PARP4: variants seen among roughly 807,000 people sequenced by gnomAD.
The protein encoded by PARP4 is poly(ADP-ribose) polymerase family member 4, also known as protein mono-ADP-ribosyltransferase PARP4.
Under a neutral mutation model 187.7 loss-of-function variants are expected in PARP4, and 120 were observed. That is an observed-to-expected ratio of 0.64 (90% CI 0.55 to 0.74). The LOEUF is 0.74. Ranked by LOEUF, PARP4 falls within the 30% of genes least tolerant of loss-of-function variation. The pLI, the probability that PARP4 is intolerant of heterozygous loss-of-function variation, is 0.00. For missense variants in PARP4, 1,836 were observed against 2,070.5 expected (o/e 0.89, Z 2.20); for synonymous variants, 654 against 740.9 (o/e 0.88, Z 1.90).
intron 30 of PARP4, among the ~76,000 whole-genome samples, chr13:24,435,916 CAAAAAAAAAAA>C (rs56254149): frequency 2.3e-5 from 2 of 87,932 alleles, no homozygotes; most frequent in African/African-American, 4.5e-5. Flanking sequence ...TATTCTGTCT[CAAAAAAAAAAA>C]AAAAAAAAAG....
In PARP4 at chr13:24,452,359, G is replaced by A. The variant is rs776359358; in HGVS notation, c.3014+47C>T. On this transcript the variant is annotated intron_variant, in intron 24 of 33. Transcript: ENST00000381989. ...AAAGTCCCCTGCAGGGCAACAAGAC[G>A]ACCTCCCCGTGGGTCTGGACTATGT... 29 of 1,479,076 alleles carry A rather than the reference G, an allele frequency of 2.0e-5. No homozygotes were observed. In the Admixed American group the frequency reaches 3.2e-4, roughly 16 times the overall value. The allele number at this position is 1,479,076 out of a possible 1,614,324, so 91.6% of individuals were successfully genotyped here. A position where few individuals can be genotyped will look rare whatever the true frequency, so the allele number is the denominator to read the frequency against.
At chr13:24,440,552 T>C (rs1870872811) in intron 30 of PARP4, among the ~76,000 whole-genome samples, 1 of 152,140 alleles carries the variant, frequency 6.6e-6, no homozygotes, top group African/African-American at 2.4e-5. Context: ...AGCTAATATT[T>C]ATCAAATATC....
chr13:24,507,864 T>C lies in PARP4; in HGVS notation c.-1-4087A>G, dbSNP rs1267371399. ...TCTTGACACATGCTGTTATATATTA[T>C]AGTTCTTATCTCTGGGACCCCCAGC... On this transcript the variant is annotated intron_variant, in intron 1 of 33. Coordinates refer to ENST00000381989, the MANE Select transcript of PARP4 (RefSeq NM_006437.4). Among the ~76,000 whole-genome samples the C allele has an allele frequency of 2.6e-5, 4 of 152,228 alleles. No homozygotes were observed. In the East Asian group the frequency reaches 5.8e-4, roughly 22 times the overall value.
chr13:24,470,088 G>C, intron 15 of PARP4, 63 bp from the exon 16 acceptor site: 1 of 1,445,416 alleles, frequency 6.9e-7, no homozygotes. Flanking sequence ...GCAGGAACAA[G>C]GACGAACGAA....
chr13:24,437,055 G>A (rs1369365463), intron 30 of PARP4, among the ~76,000 whole-genome samples: 1 of 151,982 alleles, frequency 6.6e-6, no homozygotes, highest in South Asian at 2.1e-4. Flanking sequence ...TATAGTAGAC[G>A]AATCAATGGA....
chr13:24,427,136 A>G (rs1870100186), intron 32 of PARP4, among the ~76,000 whole-genome samples: 1 of 152,118 alleles, frequency 6.6e-6, no homozygotes, highest in African/African-American at 2.4e-5. Context: ...TCACTAAAAG[A>G]AATCCAGTTT....
At chr13:24,423,560 C>CA (rs143269578) in intron 33 of PARP4, among the ~76,000 whole-genome samples, 3 of 150,282 alleles carry the variant, frequency 2.0e-5, no homozygotes, top group Admixed American at 6.6e-5. Flanking sequence ...AAAAACAAAA[C>CA]AAAAAAAAAG....
At chr13:24,479,427 G>A (rs1024517472) in intron 12 of PARP4, among the ~76,000 whole-genome samples, 3 of 152,116 alleles carry the variant, frequency 2.0e-5, no homozygotes, top group Admixed American at 6.5e-5. Context: ...GGCAAAGGGG[G>A]CCCAGCTGGG....
At chr13:24,446,343 C>T (rs1871206532) in intron 27 of PARP4, among the ~76,000 whole-genome samples, 1 of 152,188 alleles carries the variant, frequency 6.6e-6, no homozygotes, top group African/African-American at 2.4e-5. Context: ...TATAGTCCAT[C>T]TCCATATTGT....
At chr13:24,466,933 A>G (rs1872508728) in intron 17 of PARP4, among the ~76,000 whole-genome samples, 1 of 152,220 alleles carries the variant, frequency 6.6e-6, no homozygotes, top group African/African-American at 2.4e-5. Flanking sequence ...GAAAACAACT[A>G]GCAAGAGGGT....
rs574233558 is a variant in PARP4 at position 24,452,254 on chromosome 13, G to A, written c.3014+152C>T. On this transcript the variant is annotated intron_variant, in intron 24 of 33. Transcript: ENST00000381989. ...GGCCAACCCAGGTTCTGAGACTCAG[G>A]CAGTCTGGCTGGGAGCCCGGAGCCC... is the stretch of plus-strand genomic sequence containing the variant. 7.8e-5 allele frequency: 48 copies of A among 614,912 alleles called. 1 individual carries two copies. The South Asian group carries it at 1.2e-3, about 15-fold the overall frequency. The allele number at this position is 614,912 out of a possible 1,614,324, so 38.1% of individuals were successfully genotyped here.
chr13:24,483,123 AG>A (rs1231408995), intron 12 of PARP4, among the ~76,000 whole-genome samples: 1 of 151,982 alleles, frequency 6.6e-6, no homozygotes, highest in Admixed American at 6.6e-5. Flanking sequence ...GGGCTCAAGC[AG>A]TCCTCCTGCC....
chr13:24,501,943 A>C, intron 2 of PARP4, 109 bp from the exon 3 acceptor site: 1 of 698,500 alleles, frequency 1.4e-6, no homozygotes, highest in Admixed American at 2.9e-5. Flanking sequence ...AGTTTGTGAT[A>C]ATCTTTCTCA....
intron 18 of PARP4, 56 bp downstream of exon 18, chr13:24,459,916 C>T (rs1872115212): frequency 6.7e-7 from 1 of 1,494,890 alleles, no homozygotes; most frequent in Non-Finnish European, 9.2e-7. Flanking sequence ...CACAGCCCTC[C>T]ACCACTCCCC....
In PARP4 at chr13:24,449,793, T is replaced by C. The variant is rs1871411070; in HGVS notation, c.3039A>G (p.Leu1013=). 2 of 1,608,320 alleles carry C rather than the reference T, an allele frequency of 1.2e-6. No homozygotes were observed. The highest frequency in any genetic ancestry group is 2.2e-5 in the South Asian group (2 of 90,924). ...GIGSTANRHV[L]RILSQCGAGV... ...CGGCACCACACTGGGACAAAATCCT[T>C]AAGACGTGACGATTTGCTGTAGAAC... Residue 1013 remains leucine, a synonymous_variant, in exon 25 of 34, where the codon TTA becomes TTG. Transcript: ENST00000381989.
At chr13:24,486,586 T>C (rs1300977118) in intron 10 of PARP4, among the ~76,000 whole-genome samples, 2 of 152,170 alleles carry the variant, frequency 1.3e-5, no homozygotes, top group African/African-American at 4.8e-5. Context: ...AAATAAACAA[T>C]AGTATATGGA....
At chr13:24,490,345 G>T (rs1430559072) in intron 10 of PARP4, among the ~76,000 whole-genome samples, 1 of 152,096 alleles carries the variant, frequency 6.6e-6, no homozygotes, top group Admixed American at 6.6e-5. Context: ...CCATATTCCT[G>T]CACATTTAAA....
chr13:24,475,603 G>T lies in PARP4; in HGVS notation c.1790-7C>A, dbSNP rs370730763. 3.7e-6 allele frequency: 6 copies of T among 1,613,148 alleles called. No homozygotes were observed. Among genetic ancestry groups the T allele is most frequent in the Admixed American group, 1.7e-5 (1 of 59,938 alleles). On this transcript the variant is annotated splice_region_variant and splice_polypyrimidine_tract_variant and intron_variant, in intron 14 of 33. Coordinates refer to ENST00000381989, the MANE Select transcript of PARP4 (RefSeq NM_006437.4). ...GCATCTGGTAACTGGTAATCTAAAC[G>T]TTAAAAATGTTACTATTAGCTTTCA...
chr13:24,429,195 A>G (rs1870210099), intron 32 of PARP4, among the ~76,000 whole-genome samples: 1 of 152,026 alleles, frequency 6.6e-6, no homozygotes, highest in Admixed American at 6.6e-5. Context: ...GTTTCCATCT[A>G]TTTGCTGAGA....
Sources: gnomAD v4.1 joint callset for allele counts (sites outside exome capture counted in the v4.1 genomes callset) on GRCh38, gnomAD v4.1.1 for gene constraint, MANE v1.5 for transcripts, NCBI Gene and HGNC (gene_info 2026-07-23, HGNC 2026-07-21) for gene names.